Variants in SLC9C1 observed in about 807,000 individuals in gnomAD.
SLC9C1 encodes the protein solute carrier family 9 member C1, also known as sodium/hydrogen exchanger 10.
A neutral mutation model predicts 140.9 loss-of-function variants in SLC9C1; 97 were observed. That is an observed-to-expected ratio of 0.69 (90% CI 0.58 to 0.82). The LOEUF is 0.82. Among genes scored for constraint, SLC9C1 ranks in the 40% least tolerant of loss-of-function variants. The probability of loss-of-function intolerance (pLI) is 0.00; values close to 1 mark genes in which losing one functional copy is unlikely to be tolerated. For missense variants in SLC9C1, 1,340 were observed against 1,389.3 expected, an observed-to-expected ratio of 0.96 and a Z score of 0.56; for synonymous variants, 440 against 442.6, an observed-to-expected ratio of 0.99 and a Z score of 0.07.
At position 112,183,349 on chromosome 3, in the gene SLC9C1, C is replaced by CTTTTTTTTTTTTTTTTTTTTTTTTTTTTT. The variant is rs200437815; in HGVS notation, c.2524-1092_2524-1091insAAAAAAAAAAAAAAAAAAAAAAAAAAAAA. Among the ~76,000 whole-genome samples, 30 of 95,396 alleles carry CTTTTTTTTTTTTTTTTTTTTTTTTTTTTT rather than the reference C, an allele frequency of 3.1e-4. 5 individuals are homozygous for CTTTTTTTTTTTTTTTTTTTTTTTTTTTTT. The highest frequency in any genetic ancestry group is 9.8e-4 in the African/African-American group (20 of 20,384). 62.6% of individuals were successfully genotyped at this position (95,396 alleles called of 152,430 possible). ...ACGACAATGATATTTAGCACCTTTTCTTTTTTTTTTTTTTTTTTTTTCAGC... is the reference window on the plus strand; with the variant it reads ...ACGACAATGATATTTAGCACCTTTTCTTTTTTTTTTTTTTTTTTTTTTTTTTTTTTTTTTTTTTTTTTTTTTTTTTCAGC... On this transcript the variant is annotated intron_variant, in intron 20 of 28. Coordinates refer to ENST00000305815, the MANE Select transcript of SLC9C1 (RefSeq NM_183061.3).
intron 8 of SLC9C1, 65 bp from the exon 9 acceptor site, chr3:112,264,408 T>C: frequency 1.0e-6 from 1 of 988,746 alleles, no homozygotes; most frequent in Non-Finnish European, 1.3e-6. Context: ...TATTACAAGG[T>C]TTATCTATGT....
intron 26 of SLC9C1, among the ~76,000 whole-genome samples, chr3:112,155,905 T>C (rs1176162306): frequency 6.6e-6 from 1 of 152,162 alleles, no homozygotes; most frequent in African/African-American, 2.4e-5. Flanking sequence ...GTACATATTT[T>C]GGGGGTACAT....
intron 12 of SLC9C1, among the ~76,000 whole-genome samples, chr3:112,233,694 T>C (rs945679392): frequency 6.8e-6 from 1 of 146,340 alleles, no homozygotes; most frequent in Non-Finnish European, 1.5e-5. Flanking sequence ...TGTGTTCTCA[T>C]TGTTCAATTC....
chr3:112,162,129 A>G (rs1166108800), intron 26 of SLC9C1, among the ~76,000 whole-genome samples: 1 of 152,086 alleles, frequency 6.6e-6, no homozygotes. Context: ...TTGTATCCTG[A>G]GACTTTGCTG....
chr3:112,263,915 A>G (rs2079845225), intron 9 of SLC9C1, among the ~76,000 whole-genome samples: 1 of 151,886 alleles, frequency 6.6e-6, no homozygotes, highest in African/African-American at 2.4e-5. Context: ...CAAGATTTTT[A>G]TTTATAATAG....
At chr3:112,144,690 T>TTG (rs908241215) in intron 28 of SLC9C1, among the ~76,000 whole-genome samples, 11 of 151,940 alleles carry the variant, frequency 7.2e-5, no homozygotes, top group East Asian at 1.9e-4. Flanking sequence ...TTCCTAAGGT[T>TTG]TGTGTGTGTG....
At chr3:112,207,677 A>G (rs1576342244) in intron 16 of SLC9C1, among the ~76,000 whole-genome samples, 1 of 143,852 alleles carries the variant, frequency 7.0e-6, no homozygotes, top group African/African-American at 2.4e-5. Flanking sequence ...ACTTGTAGTT[A>G]TTCTCTTTTT....
At position 112,264,249 on chromosome 3, in the gene SLC9C1, C is replaced by T. The variant is rs2079855991; in HGVS notation, c.973G>A (p.Val325Ile). The part of the protein sequence containing the change: ...PAHTYLYIEF[V>I]DIYYSLNIYL... ...ATATTTAATGAATAGTATATATCAA[C>T]AAATTCTATATACAAATATGTATGT... The change falls in exon 9 of 29, where the codon GTT becomes ATT. Residue 325 changes from valine (V) to isoleucine (I), a missense_variant. By Grantham distance (29) the Val-to-Ile change is conservative. Coordinates refer to ENST00000305815, the MANE Select transcript of SLC9C1 (RefSeq NM_183061.3). The T allele has an allele frequency of 7.3e-7, 1 of 1,378,230 alleles. No individual in the cohort carries two copies. The highest frequency in any genetic ancestry group is 9.6e-7 in the Non-Finnish European group (1 of 1,037,924). 85.4% of individuals were successfully genotyped at this position (1,378,230 alleles called of 1,614,324 possible). A position where few individuals can be genotyped will look rare whatever the true frequency, so the allele number is the denominator to read the frequency against.
At chr3:112,240,333 T>G (rs1219913868) in intron 11 of SLC9C1, among the ~76,000 whole-genome samples, 3 of 152,236 alleles carry the variant, frequency 2.0e-5, no homozygotes, top group Admixed American at 2.0e-4. Flanking sequence ...GTTTGATATA[T>G]GAGGAAACAA....
At chr3:112,252,264 G>A (rs571086334) in intron 10 of SLC9C1, among the ~76,000 whole-genome samples, 49 of 152,138 alleles carry the variant, frequency 3.2e-4, no homozygotes, top group Non-Finnish European at 5.9e-4. Flanking sequence ...TAAACAGCCA[G>A]ACTGCATTTT....
intron 15 of SLC9C1, 86 bp downstream of exon 15, chr3:112,217,356 A>C: frequency 6.8e-7 from 1 of 1,468,626 alleles, no homozygotes; most frequent in Non-Finnish European, 9.0e-7. Flanking sequence ...ATAATAACAA[A>C]AAATTCAAGA....
chr3:112,168,848 T>G, intron 25 of SLC9C1, 29 bp downstream of exon 25: 3 of 1,535,826 alleles, frequency 2.0e-6, no homozygotes, highest in Non-Finnish European at 2.6e-6. Flanking sequence ...GGCATATTGA[T>G]CTGAAGACAG....
chr3:112,229,055 A>C (rs2078753546), intron 13 of SLC9C1, among the ~76,000 whole-genome samples: 1 of 152,148 alleles, frequency 6.6e-6, no homozygotes, highest in Admixed American at 6.6e-5. Context: ...CATTATGTTA[A>C]GTGAAAGAAG....
intron 10 of SLC9C1, among the ~76,000 whole-genome samples, chr3:112,247,136 G>A (rs1011240138): frequency 1.3e-5 from 2 of 152,248 alleles, no homozygotes; most frequent in African/African-American, 4.8e-5. Context: ...AATATTGAAT[G>A]AAGCTAATTT....
intron 20 of SLC9C1, chr3:112,186,049 GCA>G: frequency 8.1e-7 from 1 of 1,228,986 alleles, no homozygotes; most frequent in Non-Finnish European, 1.1e-6. Context: ...ATCTTCCGCT[GCA>G]CAGTGCACTT....
chr3:112,184,962 A>G (rs541593866), intron 20 of SLC9C1, among the ~76,000 whole-genome samples: 1 of 152,242 alleles, frequency 6.6e-6, no homozygotes, highest in South Asian at 2.1e-4. Context: ...AGAGCACATT[A>G]GAAAGGGGGA....
Position 112,202,374 on chromosome 3 carries a change from A to T in SLC9C1, c.2198T>A (p.Ile733Lys). Reference sequence around the variant, plus strand: ...CTGATGACTCATTCTTTTATCTATTATTTGCAGCAACTTTGGTGCTATGAG... The same window carrying T: ...CTGATGACTCATTCTTTTATCTATTTTTTGCAGCAACTTTGGTGCTATGAG... ...FKLIAPKLLQ[I>K]IDKRMSHQKT... The change falls in exon 18 of 29, where the codon ATA becomes AAA. Residue 733 changes from isoleucine to lysine, a missense_variant. Coordinates refer to ENST00000305815, the MANE Select transcript of SLC9C1 (RefSeq NM_183061.3). The T allele has an allele frequency of 6.2e-7, 1 of 1,604,038 alleles. No homozygotes were observed. The highest frequency in any genetic ancestry group is 8.5e-7 in the Non-Finnish European group (1 of 1,174,738).
At chr3:112,201,536 GT>G (rs2077906334) in intron 18 of SLC9C1, among the ~76,000 whole-genome samples, 1 of 151,900 alleles carries the variant, frequency 6.6e-6, no homozygotes, top group Admixed American at 6.6e-5. Context: ...GTTTTAAATC[GT>G]CTTGAAAAGT....
chr3:112,187,885 T>C (rs1195506656), intron 20 of SLC9C1, among the ~76,000 whole-genome samples: 1 of 152,182 alleles, frequency 6.6e-6, no homozygotes, highest in South Asian at 2.1e-4. Flanking sequence ...ATACAAAATC[T>C]TATAATTTTA....
Sources: gnomAD v4.1 joint callset for allele counts (sites outside exome capture counted in the v4.1 genomes callset) on GRCh38, gnomAD v4.1.1 for gene constraint, MANE v1.5 for transcripts, NCBI Gene and HGNC (gene_info 2026-07-23, HGNC 2026-07-21) for gene names.